ZNF486: variants seen among roughly 807,000 people sequenced by gnomAD.
ZNF486 encodes zinc finger protein 486.
A neutral mutation model predicts 12.8 loss-of-function variants in ZNF486; 12 were observed. That is an observed-to-expected ratio of 0.94 (90% confidence interval 0.60 to 1.52). The LOEUF (loss-of-function observed/expected upper bound fraction) is 1.52, where lower values mean the gene tolerates loss of function less well. Ranked by LOEUF, ZNF486 falls within the 40% of genes most tolerant of loss-of-function variation. The pLI is 0.00. For synonymous variants in ZNF486, 231 were observed against 184.9 expected (o/e 1.25, Z -2.02); for missense variants, 738 against 545.0 (o/e 1.35, Z -3.53).
chr19:20,182,446 T>C (rs925499649), intron 1 of ZNF486, among the ~76,000 whole-genome samples: 3 of 152,206 alleles, frequency 2.0e-5, no homozygotes, highest in Admixed American at 2.0e-4. Flanking sequence ...TTGTTCTGCA[T>C]GGAAGCACTT....
At chr19:20,182,603 A>AC (rs1410203691) in intron 1 of ZNF486, among the ~76,000 whole-genome samples, 1 of 152,174 alleles carries the variant, frequency 6.6e-6, no homozygotes, top group Non-Finnish European at 1.5e-5. Context: ...TTTGGTACAG[A>AC]CAGGTCAGTG....
intron 3 of ZNF486, among the ~76,000 whole-genome samples, chr19:20,190,809 G>A (rs1555717073): frequency 6.6e-6 from 1 of 152,140 alleles, no homozygotes; most frequent in Non-Finnish European, 1.5e-5. Flanking sequence ...AAGCCTAGTT[G>A]GTCTATAATA....
rs546556139 is a variant in ZNF486 at position 20,198,071 on chromosome 19, G to T, written c.1361G>T (p.Arg454Ile). 302 of 1,604,154 alleles carry T rather than the reference G, an allele frequency of 1.9e-4. 4 individuals are homozygous for T. The Admixed American group carries it at 5.0e-3, about 27-fold the overall frequency. ...NWSSDLNKHKRIHIGQKPRT is the reference protein window; with the variant it reads ...NWSSDLNKHKIIHIGQKPRT ...TCCTCAGACCTTAATAAACATAAGA[G>T]AATTCATATTGGACAGAAACCAAGA... Residue 454 changes from arginine to isoleucine, a missense_variant, in exon 4 of 4, where the codon AGA becomes ATA. Transcript: ENST00000335117.
intron 3 of ZNF486, among the ~76,000 whole-genome samples, chr19:20,192,067 CATAAT>C (rs1555717274): frequency 6.6e-6 from 1 of 151,932 alleles, no homozygotes; most frequent in Admixed American, 6.6e-5. Context: ...CTCACTTTAC[CATAAT>C]ATAATATCAT....
At chr19:20,177,480 C>A (rs1223449098) in intron 1 of ZNF486, among the ~76,000 whole-genome samples, 1 of 152,226 alleles carries the variant, frequency 6.6e-6, no homozygotes, top group Non-Finnish European at 1.5e-5. Context: ...TTAAATTCTT[C>A]TACTTATGGA....
At chr19:20,193,876 A>G (rs991109550) in intron 3 of ZNF486, among the ~76,000 whole-genome samples, 5 of 151,748 alleles carry the variant, frequency 3.3e-5, no homozygotes, top group African/African-American at 4.8e-5. Context: ...CTATACAGCT[A>G]TTATCTTAGT....
At chr19:20,175,736 T>C (rs997699442) in intron 1 of ZNF486, among the ~76,000 whole-genome samples, 19 of 152,350 alleles carry the variant, frequency 1.2e-4, no homozygotes, top group African/African-American at 3.8e-4. Flanking sequence ...TACTTCTTTC[T>C]ACACAGACAC....
chr19:20,189,726 ACTTC>A (rs2089884657), intron 3 of ZNF486, among the ~76,000 whole-genome samples: 1 of 152,164 alleles, frequency 6.6e-6, no homozygotes, highest in Non-Finnish European at 1.5e-5. Flanking sequence ...TTGAACATTA[ACTTC>A]CTTCACATGA....
rs782614261 is a variant in ZNF486 at position 20,197,744 on chromosome 19, C to T, written c.1034C>T (p.Thr345Met). Residue 345 changes from threonine to methionine, a missense_variant, in exon 4 of 4, where the codon ACG (threonine) becomes ATG (methionine). By Grantham distance (81) the Thr-to-Met change is moderately conservative. Coordinates refer to ENST00000335117, the MANE Select transcript of ZNF486 (RefSeq NM_052852.4). ...SILSKHEKIH[T>M]GEKPYKCEEC... ...CTTAGTAAACATGAGAAGATTCATA[C>T]GGGAGAGAAACCCTACAAATGTGAA... is the stretch of plus-strand genomic sequence containing the variant. 3.5e-5 allele frequency: 56 copies of T among 1,613,316 alleles called. No individual in the cohort carries two copies. Among genetic ancestry groups the T allele is most frequent in the Admixed American group, 1.8e-4 (11 of 59,932 alleles).
chr19:20,175,086 A>G (rs2089690845), intron 1 of ZNF486: 1 of 152,168 alleles, frequency 6.6e-6, no homozygotes, highest in African/African-American at 2.4e-5. Context: ...GAGATGACAG[A>G]ACAGCAGAGA....
intron 1 of ZNF486, among the ~76,000 whole-genome samples, chr19:20,178,494 G>C (rs782188717): frequency 6.6e-6 from 1 of 152,010 alleles, no homozygotes. Context: ...TGCCTGTCTC[G>C]GCCTCCCAAA....
chr19:20,197,968 A>G lies in ZNF486; in HGVS notation c.1258A>G (p.Asn420Asp), dbSNP rs782691465. 1 of 1,613,656 alleles carries G rather than the reference A, an allele frequency of 6.2e-7. No individual in the cohort carries two copies. The highest frequency in any genetic ancestry group is 8.5e-7 in the Non-Finnish European group (1 of 1,179,776). Reference protein sequence around the residue: ...ECGKAYTTSSNLTEHKTTHTG... With the variant: ...ECGKAYTTSSDLTEHKTTHTG... The stretch of plus-strand genomic sequence containing the variant: ...TGGCAAAGCGTATACTACATCCTCA[A>G]ATCTAACTGAACATAAGACAACTCA... Residue 420 changes from asparagine (N) to aspartate (D), a missense_variant, in exon 4 of 4, where the codon AAT becomes GAT. Asn to Asp is a conservative substitution (Grantham distance 23). Transcript: ENST00000335117.
At chr19:20,188,042 G>C (rs1568324156) in intron 3 of ZNF486, among the ~76,000 whole-genome samples, 4 of 152,110 alleles carry the variant, frequency 2.6e-5, no homozygotes, top group South Asian at 2.1e-4. Flanking sequence ...TAAAACACTA[G>C]GGTATGTTTT....
intron 3 of ZNF486, among the ~76,000 whole-genome samples, chr19:20,196,431 A>G (rs1315702332): frequency 2.6e-5 from 4 of 152,108 alleles, no homozygotes; most frequent in Middle Eastern, 3.2e-3. Context: ...TGGGTTCAAG[A>G]AATTCTCATG....
At chr19:20,169,391 G>A (rs1341121311) in intron 1 of ZNF486, among the ~76,000 whole-genome samples, 2 of 151,834 alleles carry the variant, frequency 1.3e-5, no homozygotes, top group Non-Finnish European at 2.9e-5. Flanking sequence ...TTACATGCTT[G>A]CGCCACCGCG....
chr19:20,173,832 A>C (rs75128259), intron 1 of ZNF486, among the ~76,000 whole-genome samples: 7 of 144,426 alleles, frequency 4.8e-5, no homozygotes, highest in African/African-American at 1.3e-4. Context: ...ACTCCGTCTC[A>C]AAAAAAAAAA....
intron 3 of ZNF486, 106 bp from the exon 4 acceptor site, chr19:20,196,858 A>T: frequency 7.4e-7 from 1 of 1,354,416 alleles, no homozygotes. Flanking sequence ...GCATTTTGCT[A>T]TGTCATCTTG....
chr19:20,180,651 G>A (rs782402806), intron 1 of ZNF486, among the ~76,000 whole-genome samples: 20 of 152,036 alleles, frequency 1.3e-4, no homozygotes, highest in African/African-American at 3.1e-4. Flanking sequence ...TTGGCTCACC[G>A]CAATTTCTGC....
intron 3 of ZNF486, chr19:20,188,275 G>T: frequency 2.6e-6 from 1 of 390,932 alleles, no homozygotes. Context: ...ATACTTGTTT[G>T]ATTTGAAGGT....
Sources: allele counts gnomAD v4.1 joint callset (sites outside exome capture counted in the v4.1 genomes callset), GRCh38; gene constraint gnomAD v4.1.1; transcripts MANE v1.5; gene names NCBI Gene and HGNC (gene_info 2026-07-23, HGNC 2026-07-21).